Variants in MGAT4A observed in about 807,000 individuals in gnomAD.
The protein encoded by MGAT4A is N-acetylglucosaminyltransferase IVa.
In MGAT4A, 33 loss-of-function variants were observed where a neutral mutation model predicts 74.1. The observed-to-expected ratio is 0.45, with a 90% CI of 0.34 to 0.60. The LOEUF (loss-of-function observed/expected upper bound fraction) is 0.60. Among genes scored for constraint, MGAT4A ranks in the 20% least tolerant of loss-of-function variants. MGAT4A has a pLI of 0.02. For missense variants in MGAT4A, 479 were observed against 628.3 expected, an observed-to-expected ratio of 0.76 and a Z score of 2.54; for synonymous variants, 198 against 210.4, an observed-to-expected ratio of 0.94 and a Z score of 0.51.
At chr2:98,701,935 A>AG (rs1702360826) in intron 2 of MGAT4A, among the ~76,000 whole-genome samples, 1 of 152,168 alleles carries the variant, frequency 6.6e-6, no homozygotes. Flanking sequence ...AGAATTACCT[A>AG]GGGGCACGTT....
rs1046219624 is a variant in MGAT4A, at chr2:98,678,409, G to A, written c.157C>T (p.His53Tyr). The change falls in exon 3 of 16, where the codon CAC (histidine) becomes TAC (tyrosine). Residue 53 changes from histidine (H) to tyrosine (Y), a missense_variant. Physicochemically the swap from His to Tyr is moderately conservative, Grantham distance 83 (BLOSUM62 2). Transcript: ENST00000393487. ...ALKERLRIAE[H>Y]RISQRSSELN... is the part of the protein sequence containing the mutation. ...TCAGAAGAGCGCTGTGAGATTCTGT[G>A]TTCAGCTATTCGAAGACGTTCTTTC... 3 of 1,593,734 alleles carry A rather than the reference G, an allele frequency of 1.9e-6. No individual in the cohort carries two copies. The highest frequency in any genetic ancestry group is 2.6e-6 in the Non-Finnish European group (3 of 1,166,406).
chr2:98,706,892 G>GA (rs11324730), intron 2 of MGAT4A, among the ~76,000 whole-genome samples: 274 of 127,454 alleles, frequency 2.1e-3, no homozygotes, highest in Middle Eastern at 7.9e-3. Context: ...CATTAAAAAT[G>GA]AAAAAAAAAA....
intron 14 of MGAT4A, among the ~76,000 whole-genome samples, chr2:98,630,423 G>A (rs562025574): frequency 1.4e-4 from 22 of 152,236 alleles, no homozygotes; most frequent in African/African-American, 5.3e-4. Flanking sequence ...TAGTAAAAAT[G>A]GAAATGGTAA....
chr2:98,634,247 C>A (rs887841622), intron 14 of MGAT4A, among the ~76,000 whole-genome samples: 2 of 152,134 alleles, frequency 1.3e-5, no homozygotes, highest in African/African-American at 4.8e-5. Flanking sequence ...AACCACACAG[C>A]AAAGGCACAT....
At chr2:98,704,955 T>C (rs997854287) in intron 2 of MGAT4A, among the ~76,000 whole-genome samples, 1 of 152,100 alleles carries the variant, frequency 6.6e-6, no homozygotes, top group Admixed American at 6.6e-5. Flanking sequence ...GAGGCGCAAC[T>C]GACATTGGGA....
chr2:98,719,255 A>G (rs548072301), intron 2 of MGAT4A, among the ~76,000 whole-genome samples: 7 of 152,352 alleles, frequency 4.6e-5, no homozygotes, highest in Middle Eastern at 3.4e-3. Flanking sequence ...TTATAGGTGG[A>G]AAAGAAAAAA....
At chr2:98,686,866 C>T (rs62158008) in intron 2 of MGAT4A, among the ~76,000 whole-genome samples, 40,675 of 152,048 alleles carry the variant, frequency 0.27, 5,957 homozygotes, top group Non-Finnish European at 0.33. Context: ...AATCTCTTTT[C>T]AGTAAGTTCA....
intron 2 of MGAT4A, among the ~76,000 whole-genome samples, chr2:98,707,122 C>A (rs553575463): frequency 6.6e-6 from 1 of 151,876 alleles, no homozygotes; most frequent in East Asian, 1.9e-4. Flanking sequence ...GGCTGAGGCA[C>A]GTGAATCACT....
At chr2:98,685,104 A>G (rs1702110709) in intron 2 of MGAT4A, among the ~76,000 whole-genome samples, 1 of 152,044 alleles carries the variant, frequency 6.6e-6, no homozygotes, top group Admixed American at 6.6e-5. Context: ...CCAGTGTGGT[A>G]CTGCATGCCT....
intron 2 of MGAT4A, among the ~76,000 whole-genome samples, chr2:98,718,813 A>G (rs1277379022): frequency 6.6e-6 from 1 of 152,204 alleles, no homozygotes; most frequent in East Asian, 1.9e-4. Flanking sequence ...TAGGGCCCTG[A>G]CAGCCCTTCC....
At chr2:98,723,529 G>A (rs753248688) in intron 2 of MGAT4A, among the ~76,000 whole-genome samples, 2 of 152,148 alleles carry the variant, frequency 1.3e-5, no homozygotes, top group South Asian at 2.1e-4. Context: ...ACACCTCCTC[G>A]TGTTGTCTGT....
intron 8 of MGAT4A, among the ~76,000 whole-genome samples, chr2:98,654,792 A>C (rs1420312275): frequency 6.6e-6 from 1 of 152,146 alleles, no homozygotes; most frequent in Non-Finnish European, 1.5e-5. Flanking sequence ...AAATAGAAAA[A>C]AATCCTCCTC....
chr2:98,674,575 A>G lies in MGAT4A; in HGVS notation c.403+460T>C, dbSNP rs1234427862. Among the ~76,000 whole-genome samples, 5 of 152,394 alleles carry G rather than the reference A, an allele frequency of 3.3e-5. No individual in the cohort carries two copies. In the East Asian group the frequency reaches 7.7e-4, roughly 23 times the overall value. On this transcript the variant is annotated intron_variant, in intron 4 of 15. Coordinates refer to ENST00000393487, the MANE Select transcript of MGAT4A (RefSeq NM_012214.3). The stretch of plus-strand genomic sequence containing the variant: ...AAGCTATATATTATCTTTTGAATAA[A>G]TTAGGAAAAAAGAAGCAAATCAAAG...
At chr2:98,729,087 A>C (rs1041984840) in intron 1 of MGAT4A, among the ~76,000 whole-genome samples, 1 of 152,174 alleles carries the variant, frequency 6.6e-6, no homozygotes, top group Admixed American at 6.5e-5. Context: ...GCTTGTAAAA[A>C]CATTCCGTAG....
chr2:98,639,689 A>G, intron 12 of MGAT4A, 119 bp downstream of exon 12: 1 of 779,554 alleles, frequency 1.3e-6, no homozygotes. Context: ...AAAGCCCAAC[A>G]TTTTGGGCCC....
chr2:98,672,153 A>C (rs1296250733), intron 4 of MGAT4A, among the ~76,000 whole-genome samples: 1 of 152,086 alleles, frequency 6.6e-6, no homozygotes, highest in Non-Finnish European at 1.5e-5. Context: ...TAAATGATAG[A>C]TTCTACCAGC....
intron 8 of MGAT4A, among the ~76,000 whole-genome samples, chr2:98,651,814 C>A (rs577310167): frequency 2.6e-5 from 4 of 152,078 alleles, no homozygotes; most frequent in African/African-American, 9.7e-5. Flanking sequence ...ATACTATCTA[C>A]AAGAAACTTA....
At chr2:98,627,377 T>G (rs759142884) in intron 14 of MGAT4A, among the ~76,000 whole-genome samples, 24 of 152,170 alleles carry the variant, frequency 1.6e-4, no homozygotes, top group Non-Finnish European at 3.2e-4. Context: ...AAAACTAGTT[T>G]TCTTTTTTTT....
intron 1 of MGAT4A, 61 bp downstream of exon 1, chr2:98,730,987 G>C (rs1025381394): frequency 7.0e-6 from 1 of 142,154 alleles, no homozygotes; most frequent in Non-Finnish European, 1.6e-5. Flanking sequence ...CGCCCTCCGC[G>C]CAGCCGCCCC....
Sources: allele counts gnomAD v4.1 joint callset (sites outside exome capture counted in the v4.1 genomes callset), GRCh38; gene constraint gnomAD v4.1.1; transcripts MANE v1.5; gene names NCBI Gene and HGNC (gene_info 2026-07-23, HGNC 2026-07-21).